PIP5K1C: variants seen among roughly 807,000 people sequenced by gnomAD.
The protein encoded by PIP5K1C is phosphatidylinositol 4-phosphate 5-kinase type-1 gamma.
Under a neutral mutation model 80.1 loss-of-function variants are expected in PIP5K1C, and 45 were observed. The ratio of observed to expected loss-of-function variants is 0.56; its 90% CI spans 0.44 to 0.72. PIP5K1C has a LOEUF of 0.72. PIP5K1C is among the 30% of genes least tolerant of loss of function. The pLI, the probability that PIP5K1C is intolerant of heterozygous loss-of-function variation, is 0.00. For missense variants in PIP5K1C, 753 were observed against 954.6 expected (o/e 0.79, Z 2.78); for synonymous variants, 498 against 420.1 (o/e 1.19, Z -2.27).
chr19:3,634,679 G>GGCCT (rs2033600437), intron 16 of PIP5K1C, among the ~76,000 whole-genome samples: 1 of 152,222 alleles, frequency 6.6e-6, no homozygotes, highest in Admixed American at 6.5e-5. Context: ...GGCCAGCAGG[G>GGCCT]GCCTCCCTTG....
chr19:3,662,266 C>T (rs1314434309), intron 3 of PIP5K1C, among the ~76,000 whole-genome samples: 5 of 152,386 alleles, frequency 3.3e-5, no homozygotes, highest in Admixed American at 6.5e-5. Context: ...TCAGCCCTCC[C>T]AGTCCTGTTG....
intron 1 of PIP5K1C, 51 bp from the exon 2 acceptor site, chr19:3,667,404 A>G (rs770154424): frequency 6.2e-7 from 1 of 1,610,018 alleles, no homozygotes; most frequent in Non-Finnish European, 8.5e-7. Context: ...GACCTCTGGG[A>G]GTCCTGGGCC....
intron 1 of PIP5K1C, among the ~76,000 whole-genome samples, chr19:3,674,994 C>T (rs1039113451): frequency 1.3e-5 from 2 of 152,154 alleles, no homozygotes; most frequent in Non-Finnish European, 2.9e-5. Flanking sequence ...ATACCAGACA[C>T]AAGAGGCCAT....
chr19:3,678,286 AG>A (rs1450347763), intron 1 of PIP5K1C, among the ~76,000 whole-genome samples: 1 of 59,226 alleles, frequency 1.7e-5, no homozygotes, highest in Non-Finnish European at 3.3e-5. Context: ...GGAGGGGTGG[AG>A]GGATGGAGGG....
chr19:3,637,733 C>T lies in PIP5K1C; in HGVS notation c.1920+1151G>A. 1 of 1,521,950 alleles carries T rather than the reference C, an allele frequency of 6.6e-7. No homozygotes were observed. Among genetic ancestry groups the T allele is most frequent in the South Asian group, 1.2e-5 (1 of 82,102 alleles). The allele number at this position is 1,521,950 out of a possible 1,614,324, so 94.3% of individuals were successfully genotyped here. A position where few individuals can be genotyped will look rare whatever the true frequency, so the allele number is the denominator to read the frequency against. On this transcript the variant is annotated intron_variant, in intron 16 of 17. Coordinates refer to ENST00000335312, the MANE Select transcript of PIP5K1C (RefSeq NM_012398.3). This position sits in a 1 kb window ranked among gnomAD's most constrained non-coding sequence, Gnocchi z 7.0. ...GGAGGTGGCGGGGAGCAGGTGGGGA[C>T]AGCTGACTGCCAAGCAGAAGGTGGG...
intron 1 of PIP5K1C, among the ~76,000 whole-genome samples, chr19:3,684,299 G>C (rs956894414): frequency 6.6e-6 from 1 of 152,168 alleles, no homozygotes; most frequent in East Asian, 1.9e-4. Context: ...ATCATCCAGC[G>C]CACAATCTCA....
At chr19:3,660,799 C>T (rs1482304305) in intron 5 of PIP5K1C, among the ~76,000 whole-genome samples, 167 bp downstream of exon 5, 2 of 152,138 alleles carry the variant, frequency 1.3e-5, no homozygotes, top group Admixed American at 1.3e-4. Context: ...GCCGATCTCT[C>T]CTGCTTTCCC....
intron 16 of PIP5K1C, chr19:3,636,613 C>G: frequency 1.0e-6 from 1 of 985,690 alleles, no homozygotes; most frequent in Non-Finnish European, 1.2e-6. Context: ...CGGGGCACGG[C>G]TTCGCGGTGG....
intron 7 of PIP5K1C, 57 bp from the exon 8 acceptor site, chr19:3,652,088 G>A (rs747626164): frequency 1.4e-4 from 217 of 1,553,496 alleles, no homozygotes; most frequent in African/African-American, 1.0e-3. Context: ...CCCCCACAAC[G>A]GCTCCCGGAC....
At chr19:3,659,966 G>C (rs1033852821) in intron 5 of PIP5K1C, among the ~76,000 whole-genome samples, 1 of 152,214 alleles carries the variant, frequency 6.6e-6, no homozygotes, top group Admixed American at 6.5e-5. Context: ...TGTCTACAGA[G>C]TTCCAGTCTT....
intron 1 of PIP5K1C, among the ~76,000 whole-genome samples, chr19:3,694,994 G>C (rs924311277): frequency 3.3e-5 from 5 of 152,272 alleles, no homozygotes; most frequent in Non-Finnish European, 7.3e-5. Flanking sequence ...TGCAGCGTGG[G>C]GGCCACCAAG....
In PIP5K1C at chr19:3,641,758, C is replaced by A; in HGVS notation, c.1734G>T (p.Gln578His). The stretch of plus-strand genomic sequence containing the variant: ...TCTCCACGCTGCACGCAGGCTCCAC[C>A]TGCACTGTAATCTGCTGCAGATCCT... ...AEEDLQQITV[Q>H]VEPACSVEIV... Residue 578 changes from glutamine to histidine, a missense_variant, in exon 15 of 18, where the codon CAG (glutamine) becomes CAT (histidine). This residue lies in a region of PIP5K1C where 315 missense variants were observed against 294.5 expected (regional missense o/e 1.07). Coordinates refer to ENST00000335312, the MANE Select transcript of PIP5K1C (RefSeq NM_012398.3). 2 of 1,612,000 alleles carry A rather than the reference C, an allele frequency of 1.2e-6. No individual in the cohort carries two copies. Among genetic ancestry groups the A allele is most frequent in the Non-Finnish European group, 1.7e-6 (2 of 1,180,014 alleles).
Position 3,700,277 on chromosome 19 carries a change from C to G in PIP5K1C, c.94+20G>C, listed in dbSNP as rs1444167549. ...CGGACGAGCCCAGCGGGCCGCAGCC[C>G]CGGGAGGCCGGGCCGTTACCTGCCG... On this transcript the variant is annotated intron_variant, in intron 1 of 17. Transcript: ENST00000335312. 4.1e-6 allele frequency: 5 copies of G among 1,232,190 alleles called. No individual in the cohort carries two copies. In the Admixed American group the frequency reaches 1.6e-4, roughly 40 times the overall value. The allele number at this position is 1,232,190 out of a possible 1,614,324, so 76.3% of individuals were successfully genotyped here. A position where few individuals can be genotyped will look rare whatever the true frequency, so the allele number is the denominator to read the frequency against.
rs545079955 is a variant in PIP5K1C at position 3,660,237 on chromosome 19, G to A, written c.468+729C>T. 1.5e-4 allele frequency among the ~76,000 whole-genome samples: 23 copies of A among 152,208 alleles called. No individual in the cohort carries two copies. In the South Asian group the frequency reaches 2.1e-3, roughly 14 times the overall value. Reference sequence around the variant, plus strand: ...CTACTAAAAATACAAAAAATTAGCCGGGCGTGGTGGCAGGCACCTGTAGTC... The same window carrying A: ...CTACTAAAAATACAAAAAATTAGCCAGGCGTGGTGGCAGGCACCTGTAGTC... On this transcript the variant is annotated intron_variant, in intron 5 of 17. Transcript: ENST00000335312.
Position 3,696,058 on chromosome 19 carries a change from C to T in PIP5K1C, c.94+4239G>A, listed in dbSNP as rs1342439414. 1.3e-5 allele frequency among the ~76,000 whole-genome samples: 2 copies of T among 152,202 alleles called. No individual in the cohort carries two copies. The highest frequency in any genetic ancestry group is 4.8e-5 in the African/African-American group (2 of 41,446). ...CCTGACCTTTTTACACAGACCACCACAGCTACAGGGAGGCCCTGGTGGCGG... is the reference window on the plus strand; with the variant it reads ...CCTGACCTTTTTACACAGACCACCATAGCTACAGGGAGGCCCTGGTGGCGG... On this transcript the variant is annotated intron_variant, in intron 1 of 17. Transcript: ENST00000335312. The surrounding 1 kb of genome is among the most constrained non-coding windows in gnomAD (Gnocchi z 4.1).
In PIP5K1C at chr19:3,688,090, C is replaced by T. The variant is rs767955197; in HGVS notation, c.94+12207G>A. On this transcript the variant is annotated intron_variant, in intron 1 of 17. Transcript: ENST00000335312. The surrounding 1 kb of genome is among the most constrained non-coding windows in gnomAD (Gnocchi z 5.3). Reference sequence around the variant, plus strand: ...CACACGCCAGCCCCTGGGGGAAGCCCGGCCCGTGCGGGCTGCGGGAGATCC... The same window carrying T: ...CACACGCCAGCCCCTGGGGGAAGCCTGGCCCGTGCGGGCTGCGGGAGATCC... 2.2e-4 allele frequency among the ~76,000 whole-genome samples: 34 copies of T among 152,116 alleles called. No homozygotes were observed. Among genetic ancestry groups the T allele is most frequent in the Non-Finnish European group, 4.0e-4 (27 of 68,002 alleles).
chr19:3,653,066 G>A (rs954358127), intron 7 of PIP5K1C, among the ~76,000 whole-genome samples: 3 of 152,242 alleles, frequency 2.0e-5, no homozygotes, highest in African/African-American at 7.2e-5. Context: ...GCCTCCCAAA[G>A]AGCTGGGATC....
chr19:3,652,328 G>A (rs1300010549), intron 7 of PIP5K1C, among the ~76,000 whole-genome samples: 1 of 152,270 alleles, frequency 6.6e-6, no homozygotes, highest in Admixed American at 6.5e-5. Flanking sequence ...CTGAGAGACA[G>A]GGAGCCGGGC....
Position 3,688,691 on chromosome 19 carries a change from C to G in PIP5K1C, c.94+11606G>C, listed in dbSNP as rs934115572. 6.6e-6 allele frequency among the ~76,000 whole-genome samples: 1 copy of G among 151,940 alleles called. No individual in the cohort carries two copies. The highest frequency in any genetic ancestry group is 2.4e-5 in the African/African-American group (1 of 41,328). ...CCCGGATGAGCCCCATGGAGAAACCCGTAGTGAGAGAAGCTTTGCTCAAAC... is the reference window on the plus strand; with the variant it reads ...CCCGGATGAGCCCCATGGAGAAACCGGTAGTGAGAGAAGCTTTGCTCAAAC... On this transcript the variant is annotated intron_variant, in intron 1 of 17. Transcript: ENST00000335312. The surrounding 1 kb of genome is among the most constrained non-coding windows in gnomAD (Gnocchi z 5.3).
Sources: allele counts gnomAD v4.1 joint callset (sites outside exome capture counted in the v4.1 genomes callset), GRCh38; gene constraint gnomAD v4.1.1; regional missense constraint gnomAD v4.1.1; non-coding constraint Gnocchi (gnomAD v3.1); transcripts MANE v1.5; gene names NCBI Gene and HGNC (gene_info 2026-07-23, HGNC 2026-07-21).